CAMSAP1: variants seen among roughly 807,000 people sequenced by gnomAD.
CAMSAP1 encodes the protein calmodulin regulated spectrin associated protein 1, also known as calmodulin-regulated spectrin-associated protein 1.
CAMSAP1 carries 58 observed loss-of-function variants against 143.5 expected under a neutral mutation model. The ratio of observed to expected loss-of-function variants is 0.40; its 90% CI spans 0.33 to 0.50. The LOEUF (loss-of-function observed/expected upper bound fraction) is 0.50, where lower values mean the gene tolerates loss of function less well. Ranked by LOEUF, CAMSAP1 falls within the 20% of genes least tolerant of loss-of-function variation. The pLI is 0.45. For missense variants in CAMSAP1, 1,969 were observed against 2,115.7 expected, an observed-to-expected ratio of 0.93 and a Z score of 1.36; for synonymous variants, 945 against 859.3, an observed-to-expected ratio of 1.10 and a Z score of -1.74.
At chr9:135,891,096 A>C in intron 1 of CAMSAP1, among the ~76,000 whole-genome samples, 1 of 152,154 alleles carries the variant, frequency 6.6e-6, no homozygotes, top group East Asian at 1.9e-4. Flanking sequence ...GCAGCCCCAG[A>C]CAGCCAGGCT....
At chr9:135,817,956 C>G (rs200532748) in intron 14 of CAMSAP1, 21 bp downstream of exon 14, 2 of 1,608,858 alleles carry the variant, frequency 1.2e-6, no homozygotes, top group South Asian at 1.1e-5. Flanking sequence ...CCCGTGCCGG[C>G]GGCCGTCTCA....
Position 135,821,843 on chromosome 9 carries a change from A to T in CAMSAP1, c.2818T>A (p.Ser940Thr). The T allele has an allele frequency of 6.2e-7, 1 of 1,613,998 alleles. No homozygotes were observed. Among genetic ancestry groups the T allele is most frequent in the Non-Finnish European group, 8.5e-7 (1 of 1,179,886 alleles). Residue 940 changes from serine (S) to threonine (T), a missense_variant, in exon 11 of 17, where the codon TCT (serine) becomes ACT (threonine). Ser to Thr is a moderately conservative substitution (Grantham distance 58). This residue lies in a region of CAMSAP1 where 1,390 missense variants were observed against 1,420.8 expected (regional missense o/e 0.98). Transcript: ENST00000389532. The surrounding 1 kb of genome is among the most constrained non-coding windows in gnomAD (Gnocchi z 4.6). Reference protein sequence around the residue: ...LRPEHFAKEYSQHNGEDCGDA... With the variant: ...LRPEHFAKEYTQHNGEDCGDA... ...CCACAGTCCTCCCCGTTGTGCTGAGAGTACTCCTTTGCAAAGTGCTCCGGC... is the reference window on the plus strand; with the variant it reads ...CCACAGTCCTCCCCGTTGTGCTGAGTGTACTCCTTTGCAAAGTGCTCCGGC...
rs746267651 is a variant in CAMSAP1, at chr9:135,820,872, G to C, written c.3789C>G (p.Gly1263=). 1 of 1,613,406 alleles carries C rather than the reference G, an allele frequency of 6.2e-7. No homozygotes were observed. Among genetic ancestry groups the C allele is most frequent in the Non-Finnish European group, 8.5e-7 (1 of 1,179,858 alleles). The stretch of plus-strand genomic sequence containing the variant: ...AGAAGCCGACCCCCGGCTTCTGGTC[G>C]CCTTCGCTGACAAGGTCCGCCGAGC... ...LDGSADLVSE[G]DQKPGVGFFF... The change falls in exon 11 of 17, where the codon GGC becomes GGG. Residue 1263 remains glycine, a synonymous_variant. Transcript: ENST00000389532. The surrounding 1 kb of genome is among the most constrained non-coding windows in gnomAD (Gnocchi z 4.4).
intron 5 of CAMSAP1, among the ~76,000 whole-genome samples, chr9:135,857,511 T>C (rs554653387): frequency 6.6e-6 from 1 of 152,354 alleles, no homozygotes; most frequent in East Asian, 1.9e-4. Context: ...TATGTGCCAC[T>C]ATCTTGCAGA....
intron 5 of CAMSAP1, among the ~76,000 whole-genome samples, chr9:135,856,705 T>C (rs1431486580): frequency 6.6e-6 from 1 of 152,252 alleles, no homozygotes. Flanking sequence ...ACCATAACTA[T>C]GTAACCATCT....
intron 5 of CAMSAP1, among the ~76,000 whole-genome samples, chr9:135,852,612 C>T (rs1836820991): frequency 6.6e-6 from 1 of 152,136 alleles, no homozygotes; most frequent in Non-Finnish European, 1.5e-5. Context: ...CCCAAAGGCA[C>T]CAGATTCCCT....
chr9:135,822,666 G>A lies in CAMSAP1; in HGVS notation c.1995C>T (p.Thr665=), dbSNP rs755144941. The change falls in exon 11 of 17, where the codon ACC becomes ACT. Residue 665 remains threonine (T), a synonymous_variant. Coordinates refer to ENST00000389532, the MANE Select transcript of CAMSAP1 (RefSeq NM_015447.4). This position sits in a 1 kb window ranked among gnomAD's most constrained non-coding sequence, Gnocchi z 6.1. The stretch of plus-strand genomic sequence containing the variant: ...TTTCCACTGACAGTGGTCCTGTCTC[G>A]GTGGGGTCGATGCCCATGGGGAATT... ...CSEFPMGIDP[T]ETGPLSVETA... 43 of 1,609,550 alleles carry A rather than the reference G, an allele frequency of 2.7e-5. No homozygotes were observed. Among genetic ancestry groups the A allele is most frequent in the African/African-American group, 4.0e-5 (3 of 74,660 alleles).
intron 7 of CAMSAP1, among the ~76,000 whole-genome samples, chr9:135,828,458 A>C (rs1327620553): frequency 1.3e-5 from 2 of 152,230 alleles, no homozygotes; most frequent in Non-Finnish European, 2.9e-5. Context: ...AAGGGCACCA[A>C]GCTGTGCTCT....
chr9:135,891,776 C>T (rs1838297967), intron 1 of CAMSAP1, among the ~76,000 whole-genome samples: 1 of 152,144 alleles, frequency 6.6e-6, no homozygotes, highest in Non-Finnish European at 1.5e-5. Context: ...GACTCTAAAA[C>T]AGCTATTATA....
At chr9:135,860,597 CAAAAAAAAAAAA>C (rs35415924) in intron 5 of CAMSAP1, among the ~76,000 whole-genome samples, 3 of 62,044 alleles carry the variant, frequency 4.8e-5, no homozygotes, top group South Asian at 5.8e-4. Context: ...GACTCTGCCT[CAAAAAAAAAAAA>C]AAAAAAAAAA....
chr9:135,849,889 T>A, intron 7 of CAMSAP1: 1 of 365,032 alleles, frequency 2.7e-6, no homozygotes, highest in Non-Finnish European at 4.9e-6. Flanking sequence ...ATTCTGGAGG[T>A]GAGAACAGCC....
Position 135,822,467 on chromosome 9 carries a change from T to A in CAMSAP1, c.2194A>T (p.Thr732Ser), listed in dbSNP as rs141393340. The A allele has an allele frequency of 3.0e-5, 48 of 1,613,712 alleles. No individual in the cohort carries two copies. The highest frequency in any genetic ancestry group is 3.7e-5 in the Non-Finnish European group (44 of 1,179,898). ...GAGTCAGAATCCTGCCTGAGGAGAG[T>A]CCACGGCTCTGAATCGTGGGAGTTG... ...SPNSHDSEPW[T>S]LLRQDSDSDV... Residue 732 changes from threonine (T) to serine (S), a missense_variant, in exon 11 of 17, where the codon ACT becomes TCT. Transcript: ENST00000389532. The surrounding 1 kb of genome is among the most constrained non-coding windows in gnomAD (Gnocchi z 6.1).
Position 135,822,099 on chromosome 9 carries a change from C to T in CAMSAP1, c.2562G>A (p.Thr854=), listed in dbSNP as rs754958088. The part of the protein sequence containing the change: ...ASESCPAPLT[T]WRQKREQSPS... The stretch of plus-strand genomic sequence containing the variant: ...GACTCTGCTCCCTCTTCTGCCTCCA[C>T]GTCGTCAGAGGGGCTGGGCAGCTCT... Residue 854 remains threonine, a synonymous_variant, in exon 11 of 17, where the codon ACG becomes ACA. Transcript: ENST00000389532. This position sits in a 1 kb window ranked among gnomAD's most constrained non-coding sequence, Gnocchi z 6.1. 7 of 1,613,002 alleles carry T rather than the reference C, an allele frequency of 4.3e-6. No homozygotes were observed. The highest frequency in any genetic ancestry group is 2.2e-5 in the East Asian group (1 of 44,874).
rs769208151 is a variant in CAMSAP1 at position 135,824,823 on chromosome 9, T to A, written c.1281A>T (p.Lys427Asn). 1 of 1,603,876 alleles carries A rather than the reference T, an allele frequency of 6.2e-7. No homozygotes were observed. ...CCTCTCCCTGTATGGATTTCTGCTG[T>A]TTCTGTCTCAGTGGCAATAAAGGAT... ...PSHPLLPLRQ[K>N]QQKSIQGEDI... Residue 427 changes from lysine (K) to asparagine (N), a missense_variant, in exon 9 of 17, where the codon AAA becomes AAT. By Grantham distance (94) the Lys-to-Asn change is moderately conservative (BLOSUM62 0). This residue lies in a region of CAMSAP1 where 1,390 missense variants were observed against 1,420.8 expected (regional missense o/e 0.98). Transcript: ENST00000389532. The surrounding 1 kb of genome is among the most constrained non-coding windows in gnomAD (Gnocchi z 4.1).
At chr9:135,874,484 G>C (rs535652490) in intron 3 of CAMSAP1, among the ~76,000 whole-genome samples, 1 of 149,860 alleles carries the variant, frequency 6.7e-6, no homozygotes, top group Non-Finnish European at 1.5e-5. Flanking sequence ...AAAAAGGGGG[G>C]GGGGGGCCAC....
In CAMSAP1 at chr9:135,866,464, G is replaced by A; in HGVS notation, c.658C>T (p.His220Tyr). 1 of 1,447,502 alleles carries A rather than the reference G, an allele frequency of 6.9e-7. No homozygotes were observed. The highest frequency in any genetic ancestry group is 9.5e-7 in the Non-Finnish European group (1 of 1,052,512). 89.7% of individuals were successfully genotyped at this position (1,447,502 alleles called of 1,614,324 possible). The part of the protein sequence containing the change: ...LKQQLLESPA[H>Y]QKVRYRREHL... ...TTAAATTTACCCTTTACCTTTTGAT[G>A]AGCTGGACTTTCCAATAACTGTTGT... Residue 220 changes from histidine to tyrosine, a missense_variant, in exon 4 of 17, where the codon CAT becomes TAT. Coordinates refer to ENST00000389532, the MANE Select transcript of CAMSAP1 (RefSeq NM_015447.4).
rs1424490219 is a variant in CAMSAP1 at position 135,846,462 on chromosome 9, A to G, written c.1045+3675T>C. Among the ~76,000 whole-genome samples the G allele has an allele frequency of 2.6e-5, 4 of 152,194 alleles. No homozygotes were observed. The East Asian group carries it at 7.7e-4, about 29-fold the overall frequency. ...ACCTAGGCAGTACCATTCAGGACAC[A>G]GGCATGGGCAAAGACTTCAAGACTA... On this transcript the variant is annotated intron_variant, in intron 7 of 16. Transcript: ENST00000389532.
At chr9:135,828,962 A>G (rs758611611) in intron 7 of CAMSAP1, among the ~76,000 whole-genome samples, 3 of 152,232 alleles carry the variant, frequency 2.0e-5, no homozygotes, top group Admixed American at 6.5e-5. Context: ...GCGAAGCAAT[A>G]CTTCAGAAAC....
At chr9:135,812,673 C>CA (rs1488156897) in intron 16 of CAMSAP1, among the ~76,000 whole-genome samples, 2 of 152,180 alleles carry the variant, frequency 1.3e-5, no homozygotes, top group Admixed American at 6.5e-5. Flanking sequence ...AATGATATCT[C>CA]ATAAAGCTGT....
Sources: gnomAD v4.1 joint callset for allele counts (sites outside exome capture counted in the v4.1 genomes callset) on GRCh38, gnomAD v4.1.1 for gene constraint, gnomAD v4.1.1 regional missense constraint, Gnocchi (gnomAD v3.1) non-coding constraint, MANE v1.5 for transcripts, NCBI Gene and HGNC (gene_info 2026-07-23, HGNC 2026-07-21) for gene names.